WDFY4: variants seen among roughly 807,000 people sequenced by gnomAD.
The protein encoded by WDFY4 is WD repeat- and FYVE domain-containing protein 4.
WDFY4 carries 169 observed loss-of-function variants against 351.9 expected under a neutral mutation model. The observed-to-expected ratio is 0.48, with a 90% CI of 0.42 to 0.55. WDFY4 has a LOEUF of 0.55. Ranked by LOEUF, WDFY4 falls within the 20% of genes least tolerant of loss-of-function variation. The pLI is 0.00. For synonymous variants in WDFY4, 1,622 were observed against 1,574.6 expected, an observed-to-expected ratio of 1.03 and a Z score of -0.71; for missense variants, 3,803 against 3,935.6, an observed-to-expected ratio of 0.97 and a Z score of 0.90.
intron 29 of WDFY4, among the ~76,000 whole-genome samples, chr10:48,810,998 A>C (rs1323921774): frequency 6.6e-6 from 1 of 152,072 alleles, no homozygotes; most frequent in Non-Finnish European, 1.5e-5. Flanking sequence ...TGGGCACTGT[A>C]TACTCTGCTT....
intron 24 of WDFY4, chr10:48,802,648 A>G (rs1452022135): frequency 2.1e-6 from 1 of 468,846 alleles, no homozygotes; most frequent in East Asian, 6.9e-5. Flanking sequence ...TTTGTTTACT[A>G]TGAATGAAAA....
chr10:48,875,018 G>A (rs1184359918), intron 41 of WDFY4, 71 bp from the exon 42 acceptor site: 24 of 947,972 alleles, frequency 2.5e-5, no homozygotes, highest in African/African-American at 3.5e-5. Context: ...TGAATCTGTG[G>A]AATTGGAGGT....
At chr10:48,782,234 T>G (rs2066251118) in intron 19 of WDFY4, among the ~76,000 whole-genome samples, 1 of 152,208 alleles carries the variant, frequency 6.6e-6, no homozygotes, top group South Asian at 2.1e-4. Flanking sequence ...TTTTATCTGT[T>G]TAGGCTCAAT....
intron 47 of WDFY4, among the ~76,000 whole-genome samples, chr10:48,929,604 A>G (rs1272481002): frequency 6.6e-6 from 1 of 152,168 alleles, no homozygotes; most frequent in African/African-American, 2.4e-5. Context: ...ACCTAGTCTC[A>G]TTGCTTTGAA....
chr10:48,740,940 G>A (rs2064832013), intron 11 of WDFY4, among the ~76,000 whole-genome samples: 1 of 152,214 alleles, frequency 6.6e-6, no homozygotes, highest in South Asian at 2.1e-4. Flanking sequence ...GTATTGGTAA[G>A]GATGAATCTT....
chr10:48,975,257 C>G, intron 58 of WDFY4: 2 of 687,516 alleles, frequency 2.9e-6, no homozygotes, highest in Non-Finnish European at 4.9e-6. Context: ...GTGTTGGGGA[C>G]AGTGGGAAGT....
chr10:48,980,265 G>C lies in WDFY4; in HGVS notation c.9377-1102G>C, dbSNP rs1271999801. 3.3e-5 allele frequency: 5 copies of C among 149,812 alleles called. No homozygotes were observed. The South Asian group carries it at 1.1e-3, about 32-fold the overall frequency. The allele number at this position is 149,812 out of a possible 1,614,324, so 9.3% of individuals were successfully genotyped here. The stretch of plus-strand genomic sequence containing the variant: ...GCAGATTTACAAGCCTAAACTGCTG[G>C]AGGTCTCTAATAAAAAGGCATGTTG... On this transcript the variant is annotated intron_variant, in intron 60 of 61. Transcript: ENST00000325239.
intron 1 of WDFY4, among the ~76,000 whole-genome samples, chr10:48,701,745 A>G (rs1036119355): frequency 1.3e-5 from 2 of 152,228 alleles, no homozygotes; most frequent in Admixed American, 6.5e-5. Flanking sequence ...GTGGGAAGCT[A>G]TGGAACCACT....
intron 2 of WDFY4, 77 bp from the exon 3 acceptor site, chr10:48,719,934 A>G (rs1057206906): frequency 7.5e-7 from 1 of 1,339,842 alleles, no homozygotes; most frequent in African/African-American, 1.5e-5. Context: ...GGGCTGGTGA[A>G]GGGTGGCATG....
At chr10:48,880,166 C>T (rs996095977) in intron 43 of WDFY4, among the ~76,000 whole-genome samples, 2 of 152,174 alleles carry the variant, frequency 1.3e-5, no homozygotes, top group African/African-American at 4.8e-5. Flanking sequence ...CTCAGGCATC[C>T]AAGGCTGGCC....
intron 43 of WDFY4, chr10:48,883,824 T>C (rs2070352501): frequency 6.6e-6 from 1 of 152,254 alleles, no homozygotes; most frequent in Admixed American, 6.5e-5. Flanking sequence ...CATTTCTTTG[T>C]GTGAACGTTG....
intron 20 of WDFY4, among the ~76,000 whole-genome samples, chr10:48,787,848 C>CTTT: frequency 1.5e-5 from 2 of 136,164 alleles, no homozygotes; most frequent in Non-Finnish European, 3.0e-5. Flanking sequence ...TCTTCTTCTT[C>CTTT]TTCTTCTTCT....
intron 2 of WDFY4, among the ~76,000 whole-genome samples, chr10:48,718,117 T>C (rs1422203239): frequency 6.6e-6 from 1 of 152,258 alleles, no homozygotes; most frequent in African/African-American, 2.4e-5. Context: ...GGTTTCAATG[T>C]GCACTTTATG....
chr10:48,900,588 A>T (rs184955016), intron 46 of WDFY4, among the ~76,000 whole-genome samples: 1 of 152,364 alleles, frequency 6.6e-6, no homozygotes, highest in Non-Finnish European at 1.5e-5. Flanking sequence ...TTACGCAGCT[A>T]CCACAGAGTT....
Position 48,820,124 on chromosome 10 carries a change from G to A in WDFY4, c.5506-110G>A, listed in dbSNP as rs544910301. ...TTTCCTGTGCGGAGCCTCAATTTCC[G>A]TACATGTCACTGGGCATGACAATAA... On this transcript the variant is annotated intron_variant, in intron 32 of 61. Coordinates refer to ENST00000325239, the MANE Select transcript of WDFY4 (RefSeq NM_001394531.1). 46 of 1,253,890 alleles carry A rather than the reference G, an allele frequency of 3.7e-5. No individual in the cohort carries two copies. In the Admixed American group the frequency reaches 4.1e-4, roughly 11 times the overall value. The allele number at this position is 1,253,890 out of a possible 1,614,324, so 77.7% of individuals were successfully genotyped here.
In WDFY4 at chr10:48,959,852, C is replaced by A. The variant is rs1392447972; in HGVS notation, c.8223+39C>A. On this transcript the variant is annotated intron_variant, in intron 53 of 61. Coordinates refer to ENST00000325239, the MANE Select transcript of WDFY4 (RefSeq NM_001394531.1). Reference sequence around the variant, plus strand: ...GGACCCCTGGTATCCTGCTGGGGACCTGAACATCCCCTCAAGTTCCACCGA... The same window carrying A: ...GGACCCCTGGTATCCTGCTGGGGACATGAACATCCCCTCAAGTTCCACCGA... 7.9e-6 allele frequency: 12 copies of A among 1,513,030 alleles called. No homozygotes were observed. In the East Asian group the frequency reaches 1.5e-4, roughly 19 times the overall value. 93.7% of individuals were successfully genotyped at this position (1,513,030 alleles called of 1,614,324 possible).
At chr10:48,814,726 A>T (rs747063064) in intron 31 of WDFY4, among the ~76,000 whole-genome samples, 1 of 152,242 alleles carries the variant, frequency 6.6e-6, no homozygotes, top group Non-Finnish European at 1.5e-5. Flanking sequence ...CTGCTTTTGT[A>T]AAATGATACA....
At chr10:48,857,343 T>A (rs1475551739) in intron 39 of WDFY4, among the ~76,000 whole-genome samples, 1 of 151,856 alleles carries the variant, frequency 6.6e-6, no homozygotes, top group Non-Finnish European at 1.5e-5. Context: ...AAATAGCTTT[T>A]TTTTTCCTCC....
At chr10:48,921,379 A>C (rs1839062322) in intron 47 of WDFY4, among the ~76,000 whole-genome samples, 1 of 152,188 alleles carries the variant, frequency 6.6e-6, no homozygotes, top group Non-Finnish European at 1.5e-5. Context: ...GAGAAAATGA[A>C]CTCTTTAACA....
Sources: allele counts gnomAD v4.1 joint callset (sites outside exome capture counted in the v4.1 genomes callset), GRCh38; gene constraint gnomAD v4.1.1; transcripts MANE v1.5; gene names NCBI Gene and HGNC (gene_info 2026-07-23, HGNC 2026-07-21).